GSE1: variants seen among roughly 807,000 people sequenced by gnomAD.
The protein encoded by GSE1 is genetic suppressor element 1.
Under a neutral mutation model 112.6 loss-of-function variants are expected in GSE1, and 32 were observed. The observed-to-expected ratio is 0.28, with a 90% confidence interval of 0.21 to 0.38. The LOEUF (loss-of-function observed/expected upper bound fraction) is 0.38. Among genes scored for constraint, GSE1 ranks in the 10% least tolerant of loss-of-function variants. The pLI is 1.00. For missense variants in GSE1, 2,348 were observed against 1,699.2 expected (o/e 1.38, Z -6.71); for synonymous variants, 1,115 against 735.6 (o/e 1.52, Z -8.35).
chr16:85,455,047 G>C (rs537465526), intron 2 of GSE1, among the ~76,000 whole-genome samples: 2 of 152,216 alleles, frequency 1.3e-5, no homozygotes, highest in Admixed American at 1.3e-4. Context: ...CGTAAATGGG[G>C]ACACGGGTGC....
chr16:85,223,866 A>C (rs1003965408), intron 1 of GSE1, among the ~76,000 whole-genome samples: 3 of 152,096 alleles, frequency 2.0e-5, no homozygotes, highest in African/African-American at 4.8e-5. Context: ...TGGCCCCTCA[A>C]GGTGCTGGGA....
intron 2 of GSE1, among the ~76,000 whole-genome samples, chr16:85,548,780 G>C (rs928287597): frequency 2.0e-5 from 3 of 152,134 alleles, no homozygotes; most frequent in Admixed American, 1.3e-4. Flanking sequence ...CATCCAGGAT[G>C]ATCTGGTCTG....
intron 1 of GSE1, among the ~76,000 whole-genome samples, chr16:85,615,899 G>C (rs529719021): frequency 6.6e-6 from 1 of 152,322 alleles, no homozygotes; most frequent in Non-Finnish European, 1.5e-5. Context: ...GTAGGAACAA[G>C]GGGCAAACTG....
rs1597371958 is a variant in GSE1, at chr16:85,313,613, A to T, written c.2284-43850A>T. ...GCTAGTGCCCCTGGGACAGCTGGAGAGGCCCTAGGCTGGGGGGTGGGGAAG... is the reference window on the plus strand; with the variant it reads ...GCTAGTGCCCCTGGGACAGCTGGAGTGGCCCTAGGCTGGGGGGTGGGGAAG... On this transcript the variant is annotated intron_variant, in intron 1 of 2. Coordinates refer to the GSE1 transcript ENST00000637419. Among the ~76,000 whole-genome samples, 5 of 151,778 alleles carry T rather than the reference A, an allele frequency of 3.3e-5. No homozygotes were observed. In the East Asian group the frequency reaches 9.7e-4, roughly 30 times the overall value.
At chr16:85,498,633 C>T (rs991350481) in intron 2 of GSE1, among the ~76,000 whole-genome samples, 2 of 152,206 alleles carry the variant, frequency 1.3e-5, no homozygotes, top group Non-Finnish European at 2.9e-5. Context: ...TCCACACATG[C>T]GCACCTACAA....
rs529755441 is a variant in GSE1 at position 85,396,309 on chromosome 16, G to A, written c.2464+38666G>A. ...CGGGGGGAGTTGGGAGTGGGTGGCC[G>A]TGTTGTTTGGAGAGACAGGAAATAT... On this transcript the variant is annotated intron_variant, in intron 2 of 2. Transcript: ENST00000637419. Among the ~76,000 whole-genome samples, 4 of 152,372 alleles carry A rather than the reference G, an allele frequency of 2.6e-5. No individual in the cohort carries two copies. In the South Asian group the frequency reaches 8.3e-4, roughly 32 times the overall value.
chr16:85,608,613 C>A (rs979062453), upstream of GSE1, among the ~76,000 whole-genome samples: 1 of 152,174 alleles, frequency 6.6e-6, no homozygotes, highest in African/African-American at 2.4e-5. Context: ...GTAAGAGCCA[C>A]GTCTGGATGA....
intron 1 of GSE1, among the ~76,000 whole-genome samples, chr16:85,343,953 C>T (rs1231538220): frequency 6.6e-6 from 1 of 152,208 alleles, no homozygotes; most frequent in Non-Finnish European, 1.5e-5. Context: ...CGGGCACAGT[C>T]CCGTCTCAGG....
At chr16:85,318,972 A>G (rs2046041726) in intron 1 of GSE1, among the ~76,000 whole-genome samples, 1 of 152,216 alleles carries the variant, frequency 6.6e-6, no homozygotes, top group South Asian at 2.1e-4. Context: ...TGGGCTGAGG[A>G]CCCAGGTGCT....
chr16:85,663,736 T>G, intron 11 of GSE1, 122 bp downstream of exon 11: 1 of 990,630 alleles, frequency 1.0e-6, no homozygotes, highest in Admixed American at 2.3e-5. Flanking sequence ...AGGCTGCCCC[T>G]TTACTCCTCC....
intron 1 of GSE1, among the ~76,000 whole-genome samples, chr16:85,310,725 G>A (rs2151480588): frequency 6.6e-6 from 1 of 152,106 alleles, no homozygotes; most frequent in Non-Finnish European, 1.5e-5. Flanking sequence ...ATGTGGAAGG[G>A]GAGCGCACCC....
intron 1 of GSE1, among the ~76,000 whole-genome samples, chr16:85,202,296 C>G (rs1419212135): frequency 6.6e-6 from 1 of 152,260 alleles, no homozygotes; most frequent in African/African-American, 2.4e-5. Context: ...GTTAGGGTCT[C>G]TGGGGACTTC....
chr16:85,555,963 T>A, upstream of GSE1: 1 of 984,484 alleles, frequency 1.0e-6, no homozygotes, highest in Non-Finnish European at 1.2e-6. Context: ...TCCTTTTTTT[T>A]ATTTGCATCT....
At chr16:85,580,222 C>T (rs1237013794) in intron 1 of GSE1, 1 of 152,532 alleles carries the variant, frequency 6.6e-6, no homozygotes, top group Non-Finnish European at 1.5e-5. Context: ...TGGATGTTTG[C>T]TGAGCTCCTG....
At chr16:85,557,093 G>C (rs1044891463) in intron 1 of GSE1, among the ~76,000 whole-genome samples, 1 of 152,052 alleles carries the variant, frequency 6.6e-6, no homozygotes, top group Non-Finnish European at 1.5e-5. Flanking sequence ...ACCTTATTTG[G>C]ATTTCTAAAC....
chr16:85,169,623 C>T (rs2074327425), exon 1 of GSE1: 2 of 982,388 alleles, frequency 2.0e-6, no homozygotes, highest in Non-Finnish European at 2.4e-6. Context: ...GCTTCATCTG[C>T]GGCGGCGGCA....
intron 1 of GSE1, among the ~76,000 whole-genome samples, chr16:85,195,082 A>G (rs1369326869): frequency 6.6e-6 from 1 of 152,174 alleles, no homozygotes; most frequent in Non-Finnish European, 1.5e-5. Context: ...AATCGCAGGC[A>G]TGTACCTCTG....
intron 2 of GSE1, among the ~76,000 whole-genome samples, chr16:85,519,393 A>G (rs1394658445): frequency 1.5e-5 from 1 of 66,558 alleles, no homozygotes; most frequent in African/African-American, 6.7e-5. Flanking sequence ...CACCTTCACC[A>G]CCATCATCAC....
At chr16:85,601,448 A>C (rs915500835) in intron 1 of GSE1, among the ~76,000 whole-genome samples, 29 of 152,058 alleles carry the variant, frequency 1.9e-4, no homozygotes, top group Non-Finnish European at 2.6e-4. Context: ...GCTCAAAGAC[A>C]GGCCAGAGGA....
Sources: gnomAD v4.1 joint callset for allele counts (sites outside exome capture counted in the v4.1 genomes callset) on GRCh38, gnomAD v4.1.1 for gene constraint, MANE v1.5 for transcripts, NCBI Gene and HGNC (gene_info 2026-07-23, HGNC 2026-07-21) for gene names.